Variants in CHRNA9 observed in about 807,000 individuals in gnomAD.
The protein encoded by CHRNA9 is neuronal acetylcholine receptor subunit alpha-9.
Under a neutral mutation model 36.8 loss-of-function variants are expected in CHRNA9, and 24 were observed. That is an observed-to-expected ratio of 0.65 (90% confidence interval 0.47 to 0.92). The LOEUF is 0.92. Among genes scored for constraint, CHRNA9 ranks in the 40% least tolerant of loss-of-function variants. The pLI is 0.00. For synonymous variants in CHRNA9, 231 were observed against 231.8 expected (o/e 1.00, Z 0.03); for missense variants, 610 against 601.2 (o/e 1.01, Z -0.15).
intron 3 of CHRNA9, among the ~76,000 whole-genome samples, chr4:40,339,407 G>A (rs1217207915): frequency 6.6e-6 from 1 of 151,250 alleles, no homozygotes; most frequent in Non-Finnish European, 1.5e-5. Context: ...TGGGGGCCAG[G>A]CATGGTGGCT....
In CHRNA9 at chr4:40,348,886, G is replaced by A; in HGVS notation, c.370G>A (p.Asp124Asn). The A allele has an allele frequency of 6.2e-7, 1 of 1,611,084 alleles. No homozygotes were observed. Among genetic ancestry groups the A allele is most frequent in the South Asian group, 1.1e-5 (1 of 91,046 alleles). ...TTTTCCTTATCTGACCTTCAGGGCT[G>A]ATGATGAATCTTCAGAGCCTGTGAA... ...RPDIVLYNKA[D>N]DESSEPVNTN... The change falls in exon 4 of 5, where the codon GAT becomes AAT. Residue 124 changes from aspartate (D) to asparagine (N), a missense_variant. By Grantham distance (23) the Asp-to-Asn change is conservative (BLOSUM62 1). Coordinates refer to ENST00000310169, the MANE Select transcript of CHRNA9 (RefSeq NM_017581.4).
At chr4:40,353,229 G>A (rs1425017678) in intron 4 of CHRNA9, among the ~76,000 whole-genome samples, 3 of 152,128 alleles carry the variant, frequency 2.0e-5, no homozygotes, top group South Asian at 4.1e-4. Flanking sequence ...GGTGGCTCAC[G>A]CCTGTAATTC....
intron 3 of CHRNA9, 94 bp downstream of exon 3, chr4:40,337,458 T>A (rs751096383): frequency 3.5e-5 from 47 of 1,352,444 alleles, no homozygotes; most frequent in Non-Finnish European, 4.5e-5. Flanking sequence ...AAAACATGCA[T>A]GAAATTAAAT....
intron 4 of CHRNA9, among the ~76,000 whole-genome samples, chr4:40,350,700 A>G (rs1467870766): frequency 6.7e-6 from 1 of 150,174 alleles, no homozygotes; most frequent in African/African-American, 2.5e-5. Context: ...AAATACACAC[A>G]CACACACACA....
intron 3 of CHRNA9, among the ~76,000 whole-genome samples, chr4:40,345,714 A>C (rs1251648580): frequency 2.6e-5 from 4 of 151,076 alleles, no homozygotes; most frequent in Non-Finnish European, 4.4e-5. Flanking sequence ...TCCATCTCAA[A>C]AAACAAACAA....
chr4:40,348,985 G>T lies in CHRNA9; in HGVS notation c.469G>T (p.Val157Leu), dbSNP rs2109687096. Residue 157 changes from valine to leucine, a missense_variant, in exon 4 of 5, where the codon GTG (valine) becomes TTG (leucine). Coordinates refer to ENST00000310169, the MANE Select transcript of CHRNA9 (RefSeq NM_017581.4). ...GGCCATCACCAAAAGCTCCTGTGTG[G>T]TGGATGTCACCTACTTCCCTTTTGA... The part of the protein sequence containing the change: ...APAITKSSCV[V>L]DVTYFPFDNQ... 1.2e-6 allele frequency: 2 copies of T among 1,614,202 alleles called. No individual in the cohort carries two copies. The highest frequency in any genetic ancestry group is 1.6e-4 in the Middle Eastern group (1 of 6,062).
In CHRNA9 at chr4:40,346,957, C is replaced by T. The variant is rs554898437; in HGVS notation, c.366-1925C>T. On this transcript the variant is annotated intron_variant, in intron 3 of 4. Transcript: ENST00000310169. Reference sequence around the variant, plus strand: ...TCCCGAGTAGCTGGGACTACAGGTGCGCGCCACCACGCCTGGCTAATTTTT... The same window carrying T: ...TCCCGAGTAGCTGGGACTACAGGTGTGCGCCACCACGCCTGGCTAATTTTT... Among the ~76,000 whole-genome samples the T allele has an allele frequency of 1.6e-4, 24 of 151,922 alleles. 1 individual carries two copies. The highest frequency in any genetic ancestry group is 7.7e-4 in the East Asian group (4 of 5,162).
At chr4:40,342,824 C>A (rs568151593) in intron 3 of CHRNA9, among the ~76,000 whole-genome samples, 20 of 151,702 alleles carry the variant, frequency 1.3e-4, no homozygotes, top group Admixed American at 1.2e-3. Context: ...TGGAAAGTGG[C>A]TAGAGGGGCC....
At chr4:40,338,964 G>A (rs1039916512) in intron 3 of CHRNA9, among the ~76,000 whole-genome samples, 2 of 152,024 alleles carry the variant, frequency 1.3e-5, no homozygotes, top group African/African-American at 2.4e-5. Context: ...GCAGAGTGCA[G>A]GAGAGTAATA....
Position 40,342,094 on chromosome 4 carries a change from A to G in CHRNA9, c.365+4730A>G, listed in dbSNP as rs370756723. Reference sequence around the variant, plus strand: ...AGCAGTTTTAATGGTTGGATTTTAGACCTGGTGAGGAACTGGGTGCCCTAT... The same window carrying G: ...AGCAGTTTTAATGGTTGGATTTTAGGCCTGGTGAGGAACTGGGTGCCCTAT... On this transcript the variant is annotated intron_variant, in intron 3 of 4. Coordinates refer to ENST00000310169, the MANE Select transcript of CHRNA9 (RefSeq NM_017581.4). Among the ~76,000 whole-genome samples, 7 of 152,116 alleles carry G rather than the reference A, an allele frequency of 4.6e-5. No individual in the cohort carries two copies. In the East Asian group the frequency reaches 1.2e-3, roughly 25 times the overall value.
At chr4:40,349,610 T>C (rs1712739441) in intron 4 of CHRNA9, 196 bp downstream of exon 4, 1 of 579,992 alleles carries the variant, frequency 1.7e-6, no homozygotes, top group Non-Finnish European at 3.1e-6. Flanking sequence ...ACTGGTCTTA[T>C]GGTCTCTGGG....
intron 3 of CHRNA9, among the ~76,000 whole-genome samples, chr4:40,340,142 G>A (rs1712457627): frequency 6.6e-6 from 1 of 152,168 alleles, no homozygotes. Context: ...AGAGAAGCCA[G>A]TTATGTACTC....
chr4:40,344,592 A>C (rs1712586160), intron 3 of CHRNA9, among the ~76,000 whole-genome samples: 1 of 152,142 alleles, frequency 6.6e-6, no homozygotes, highest in South Asian at 2.1e-4. Flanking sequence ...CAGCAGCAAT[A>C]GAAATTAATA....
At chr4:40,342,586 A>G (rs565268889) in intron 3 of CHRNA9, among the ~76,000 whole-genome samples, 1 of 152,324 alleles carries the variant, frequency 6.6e-6, no homozygotes, top group East Asian at 1.9e-4. Flanking sequence ...CATAATCCCA[A>G]TGTTTGGGAA....
In CHRNA9 at chr4:40,335,887, A is replaced by T; in HGVS notation, c.125A>T (p.Tyr42Phe). ...TTGTTTAATGACCTTTTTGAAGATT[A>T]TTCTAATGCTCTTCGTCCAGTGGAA... ...QKLFNDLFED[Y>F]SNALRPVEDT... The change falls in exon 2 of 5, where the codon TAT becomes TTT. Residue 42 changes from tyrosine (Y) to phenylalanine (F), a missense_variant. Transcript: ENST00000310169. 6.2e-7 allele frequency: 1 copy of T among 1,612,148 alleles called. No homozygotes were observed. The highest frequency in any genetic ancestry group is 8.5e-7 in the Non-Finnish European group (1 of 1,178,170).
chr4:40,350,722 A>ACACACACACACC (rs1215274776), intron 4 of CHRNA9, among the ~76,000 whole-genome samples: 198 of 151,472 alleles, frequency 1.3e-3, no homozygotes, highest in African/African-American at 4.5e-3. Flanking sequence ...ACACACACAC[A>ACACACACACACC]CACACCTCTC....
In CHRNA9 at chr4:40,342,291, G is replaced by T. The variant is rs143629122; in HGVS notation, c.365+4927G>T. Among the ~76,000 whole-genome samples the T allele has an allele frequency of 5.4e-3, 817 of 152,284 alleles. 1 individual carries two copies. Among genetic ancestry groups the T allele is most frequent in the Non-Finnish European group, 9.0e-3 (612 of 68,026 alleles). On this transcript the variant is annotated intron_variant, in intron 3 of 4. Coordinates refer to ENST00000310169, the MANE Select transcript of CHRNA9 (RefSeq NM_017581.4). ...AGAGGATGAATTTGATGTTCAGTTT[G>T]GGGAACCAAAGAAACATCCTCATGG... is the stretch of plus-strand genomic sequence containing the variant.
intron 3 of CHRNA9, among the ~76,000 whole-genome samples, chr4:40,341,238 A>T: frequency 6.6e-6 from 1 of 151,792 alleles, no homozygotes; most frequent in Admixed American, 6.6e-5. Flanking sequence ...AGAAATTTTA[A>T]ATTTGAATTC....
chr4:40,343,345 C>A (rs767436123), intron 3 of CHRNA9, among the ~76,000 whole-genome samples: 1 of 152,174 alleles, frequency 6.6e-6, no homozygotes, highest in African/African-American at 2.4e-5. Flanking sequence ...GGGGAGGCCT[C>A]ACAATCATGG....
Sources: gnomAD v4.1 joint callset for allele counts (sites outside exome capture counted in the v4.1 genomes callset) on GRCh38, gnomAD v4.1.1 for gene constraint, MANE v1.5 for transcripts, NCBI Gene and HGNC (gene_info 2026-07-23, HGNC 2026-07-21) for gene names.